PI4KA: variants seen among roughly 807,000 people sequenced by gnomAD.
PI4KA encodes the protein phosphatidylinositol 4-kinase alpha, also known as PI4-kinase alpha.
PI4KA carries 122 observed loss-of-function variants against 271.4 expected under a neutral mutation model. That is an observed-to-expected ratio of 0.45 (90% CI 0.39 to 0.52). The LOEUF (loss-of-function observed/expected upper bound fraction) is 0.52. Among genes scored for constraint, PI4KA ranks in the 20% least tolerant of loss-of-function variants. PI4KA has a pLI of 0.00. For synonymous variants in PI4KA, 1,041 were observed against 1,078.8 expected, an observed-to-expected ratio of 0.96 and a Z score of 0.69; for missense variants, 1,969 against 2,769.1, an observed-to-expected ratio of 0.71 and a Z score of 6.48.
chr22:20,767,393 A>T (rs898747616), intron 19 of PI4KA, among the ~76,000 whole-genome samples: 3 of 151,982 alleles, frequency 2.0e-5, no homozygotes, highest in Non-Finnish European at 2.9e-5. Flanking sequence ...GCAGTGAGCC[A>T]AGATGGCGCT....
intron 45 of PI4KA, among the ~76,000 whole-genome samples, chr22:20,715,429 T>C (rs1162527100): frequency 1.3e-5 from 2 of 152,030 alleles, no homozygotes. Flanking sequence ...ACTATGTCCA[T>C]GAACTGTCCT....
intron 1 of PI4KA, among the ~76,000 whole-genome samples, chr22:20,843,014 C>T (rs1297095622): frequency 6.7e-5 from 10 of 149,294 alleles, no homozygotes; most frequent in East Asian, 2.0e-4. Context: ...AGGAGAATGG[C>T]GTGAACCCGG....
chr22:20,799,752 C>A lies in PI4KA; in HGVS notation c.1739G>T (p.Gly580Val). ...CACAATCACTGGGTCCACCGTCAAT[C>A]CAGCCTTCAGGCACCTGAGGAGCAA... ...IDNICRCLKAGLTVDPVIVEA... is the reference protein window; with the variant it reads ...IDNICRCLKAVLTVDPVIVEA... Residue 580 changes from glycine to valine, a missense_variant, in exon 15 of 55, where the codon GGA becomes GTA. Coordinates refer to ENST00000255882, the MANE Select transcript of PI4KA (RefSeq NM_058004.4). The A allele has an allele frequency of 6.4e-7, 1 of 1,552,006 alleles. No homozygotes were observed. The highest frequency in any genetic ancestry group is 2.4e-5 in the East Asian group (1 of 41,008).
intron 19 of PI4KA, among the ~76,000 whole-genome samples, chr22:20,778,750 C>G (rs1223626938): frequency 6.6e-6 from 1 of 152,172 alleles, no homozygotes; most frequent in Non-Finnish European, 1.5e-5. Context: ...CAGGTGCCCA[C>G]TCAAGCCCAG....
intron 51 of PI4KA, 84 bp from the exon 52 acceptor site, chr22:20,710,942 G>C: frequency 6.7e-7 from 1 of 1,498,374 alleles, no homozygotes; most frequent in Non-Finnish European, 9.3e-7. Context: ...GAGTGGAAAA[G>C]GACTGCAACA....
rs1935560232 is a variant in PI4KA, at chr22:20,805,037, G to C, written c.1297C>G (p.Leu433Val). 1 of 1,614,200 alleles carries C rather than the reference G, an allele frequency of 6.2e-7. No homozygotes were observed. Among genetic ancestry groups the C allele is most frequent in the African/African-American group, 1.3e-5 (1 of 75,060 alleles). The stretch of plus-strand genomic sequence containing the variant: ...CAGGCAGCATTCGCCTGACAGCGCA[G>C]TTTGAGGGGGCTCAGCTCATTGTGG... ...RIHNELSPLK[L>V]RCQANAACVD... is the part of the protein sequence containing the mutation. Residue 433 changes from leucine (L) to valine (V), a missense_variant, in exon 11 of 55, where the codon CTG becomes GTG. Physicochemically the swap from Leu to Val is conservative, Grantham distance 32 (BLOSUM62 1). Coordinates refer to ENST00000255882, the MANE Select transcript of PI4KA (RefSeq NM_058004.4).
At chr22:20,839,401 T>C (rs1467996729) in intron 1 of PI4KA, among the ~76,000 whole-genome samples, 2 of 152,198 alleles carry the variant, frequency 1.3e-5, no homozygotes, top group African/African-American at 2.4e-5. Context: ...CTGTGTATAC[T>C]CAGAGGGGGT....
rs776731734 is a variant in PI4KA at position 20,714,698 on chromosome 22, A to G, written c.5320T>C (p.Cys1774Arg). ...GCCTCAGGGTTGCTGGGCAGGTAGC[A>G]GCCTGTGCAGGGACAGAGGCAGTCA... ...ALSEVKVQPG[C>R]YLPSNPEAIV... The change falls in exon 46 of 55, where the codon TGC becomes CGC. Residue 1774 changes from cysteine to arginine, a missense_variant and splice_region_variant. Physicochemically the swap from Cys to Arg is radical, Grantham distance 180. Around this residue, in one of 13 missense-constraint regions of PI4KA, gnomAD observed 388 missense variants for 521.5 expected, o/e 0.74. Coordinates refer to ENST00000255882, the MANE Select transcript of PI4KA (RefSeq NM_058004.4). 2 of 1,613,824 alleles carry G rather than the reference A, an allele frequency of 1.2e-6. No individual in the cohort carries two copies. The highest frequency in any genetic ancestry group is 2.2e-5 in the East Asian group (1 of 44,882).
intron 1 of PI4KA, among the ~76,000 whole-genome samples, chr22:20,846,678 A>T (rs1049432738): frequency 3.0e-4 from 45 of 151,706 alleles, no homozygotes; most frequent in Non-Finnish European, 4.4e-5. Context: ...CCCCATCTCT[A>T]CTAAAAATAC....
intron 29 of PI4KA, among the ~76,000 whole-genome samples, chr22:20,747,040 G>A (rs572086619): frequency 6.6e-6 from 1 of 152,306 alleles, no homozygotes; most frequent in African/African-American, 2.4e-5. Context: ...ACCAGCCCCA[G>A]TCACATGGCC....
chr22:20,833,438 T>C (rs1359974388), intron 3 of PI4KA, among the ~76,000 whole-genome samples: 1 of 152,178 alleles, frequency 6.6e-6, no homozygotes, highest in East Asian at 1.9e-4. Flanking sequence ...TGCCTGCCTC[T>C]ATGTGGGCAT....
At chr22:20,723,071 C>T (rs1926933055) in intron 42 of PI4KA, among the ~76,000 whole-genome samples, 1 of 151,550 alleles carries the variant, frequency 6.6e-6, no homozygotes, top group Non-Finnish European at 1.5e-5. Context: ...CTCTGTCTCC[C>T]AGGCTGGAGT....
At chr22:20,784,293 G>C in intron 19 of PI4KA, 1 of 1,613,000 alleles carries the variant, frequency 6.2e-7, no homozygotes, top group Non-Finnish European at 8.5e-7. Context: ...GATGCTGGGG[G>C]TGTCTGGGAA....
intron 1 of PI4KA, among the ~76,000 whole-genome samples, chr22:20,843,997 A>G (rs76737435): frequency 0.03 from 4,543 of 152,238 alleles, 89 homozygotes; most frequent in Middle Eastern, 0.061. Flanking sequence ...TATCTCCCCT[A>G]TAAAAATTCA....
rs1411476287 is a variant in PI4KA, at chr22:20,852,633, G to A, written c.156+5937C>T. On this transcript the variant is annotated intron_variant, in intron 1 of 54. Transcript: ENST00000255882. Reference sequence around the variant, plus strand: ...GATTCTGGCACCGCGTATACCCTCCGCTGACCCTCATTATCTCTCTCCTCT... The same window carrying A: ...GATTCTGGCACCGCGTATACCCTCCACTGACCCTCATTATCTCTCTCCTCT... Among the ~76,000 whole-genome samples, 4 of 152,076 alleles carry A rather than the reference G, an allele frequency of 2.6e-5. No homozygotes were observed. In the East Asian group the frequency reaches 7.7e-4, roughly 29 times the overall value.
chr22:20,755,898 C>A (rs552763262), intron 23 of PI4KA, among the ~76,000 whole-genome samples: 1 of 152,164 alleles, frequency 6.6e-6, no homozygotes, highest in South Asian at 2.1e-4. Context: ...TGCCAATTCA[C>A]ACTCCATAAT....
At chr22:20,772,373 A>C (rs1601454882) in intron 19 of PI4KA, among the ~76,000 whole-genome samples, 1 of 152,212 alleles carries the variant, frequency 6.6e-6, no homozygotes, top group African/African-American at 2.4e-5. Context: ...TGTGAGAACA[A>C]GACAGAGAAT....
At chr22:20,781,979 G>A (rs544843520) in intron 19 of PI4KA, among the ~76,000 whole-genome samples, 1 of 152,220 alleles carries the variant, frequency 6.6e-6, no homozygotes, top group African/African-American at 2.4e-5. Flanking sequence ...CAGCGAATTT[G>A]AGGGAATGAA....
rs1049526739 is a variant in PI4KA, at chr22:20,851,345, G to A, written c.156+7225C>T. 3.5e-4 allele frequency among the ~76,000 whole-genome samples: 53 copies of A among 151,948 alleles called. 1 individual carries two copies. The highest frequency in any genetic ancestry group is 1.2e-4 in the Non-Finnish European group (8 of 67,992). ...ATAGCCTTGGGTTTTTTTTGTTGTT[G>A]TTGTTGTTTTTTGTGTGACGGAGTC... is the stretch of plus-strand genomic sequence containing the variant. On this transcript the variant is annotated intron_variant, in intron 1 of 54. Coordinates refer to ENST00000255882, the MANE Select transcript of PI4KA (RefSeq NM_058004.4).
Sources: gnomAD v4.1 joint callset for allele counts (sites outside exome capture counted in the v4.1 genomes callset) on GRCh38, gnomAD v4.1.1 for gene constraint, gnomAD v4.1.1 regional missense constraint, MANE v1.5 for transcripts, NCBI Gene and HGNC (gene_info 2026-07-23, HGNC 2026-07-21) for gene names.